The following LGI1 variants were observed in gnomAD, a reference collection of about 807,000 sequenced individuals.
The protein encoded by LGI1 is leucine rich glioma inactivated 1.
Under a neutral mutation model 57.7 loss-of-function variants are expected in LGI1, and 11 were observed. That is an observed-to-expected ratio of 0.19 (90% confidence interval 0.12 to 0.32). The LOEUF (loss-of-function observed/expected upper bound fraction) is 0.32. Ranked by LOEUF, LGI1 falls within the 10% of genes least tolerant of loss-of-function variation. The pLI, the probability that LGI1 is intolerant of heterozygous loss-of-function variation, is 1.00. For synonymous variants in LGI1, 222 were observed against 241.9 expected (o/e 0.92, Z 0.76); for missense variants, 422 against 661.9 (o/e 0.64, Z 3.98).
chr10:93,761,918 T>C (rs1194329934), intron 2 of LGI1, among the ~76,000 whole-genome samples: 1 of 152,262 alleles, frequency 6.6e-6, no homozygotes, highest in Non-Finnish European at 1.5e-5. Flanking sequence ...GTGGTACTTT[T>C]AGTGAATGCA....
intron 4 of LGI1, among the ~76,000 whole-genome samples, chr10:93,781,658 T>C (rs1387890379): frequency 1.3e-5 from 2 of 152,240 alleles, no homozygotes; most frequent in East Asian, 3.8e-4. Context: ...TGAATATATG[T>C]TATTTTGGTA....
At chr10:93,767,756 T>C (rs774880905) in intron 2 of LGI1, 2 of 152,146 alleles carry the variant, frequency 1.3e-5, no homozygotes, top group Non-Finnish European at 2.9e-5. Context: ...GGTCAAGCAA[T>C]TTAGCACACA....
chr10:93,764,787 A>G (rs1276517002), intron 2 of LGI1: 1 of 152,222 alleles, frequency 6.6e-6, no homozygotes, highest in African/African-American at 2.4e-5. Context: ...CTCAATACAC[A>G]TTAGCTTTAT....
intron 4 of LGI1, among the ~76,000 whole-genome samples, chr10:93,788,006 T>G (rs533971850): frequency 6.6e-6 from 1 of 152,252 alleles, no homozygotes; most frequent in South Asian, 2.1e-4. Context: ...AGGATTTGAC[T>G]GCTTAATCAT....
chr10:93,777,631 T>C lies in LGI1; in HGVS notation c.431+14T>C. The C allele has an allele frequency of 1.3e-6, 2 of 1,597,482 alleles. No homozygotes were observed. The highest frequency in any genetic ancestry group is 1.7e-6 in the Non-Finnish European group (2 of 1,165,430). ...ATTAATTCACTTGTAAGTATGAATG[T>C]TGCTATTACTTTTTAAGCTTGCTAA... On this transcript the variant is annotated intron_variant, in intron 4 of 7. Coordinates refer to ENST00000371418, the MANE Select transcript of LGI1 (RefSeq NM_005097.4).
At chr10:93,766,348 C>G (rs1425347794) in intron 2 of LGI1, among the ~76,000 whole-genome samples, 1 of 152,098 alleles carries the variant, frequency 6.6e-6, no homozygotes, top group Non-Finnish European at 1.5e-5. Flanking sequence ...CACAGAGGGC[C>G]ATAGATTTTG....
In LGI1 at chr10:93,797,350, T is replaced by C; in HGVS notation, c.1221T>C (p.Arg407=). 1 of 1,614,212 alleles carries C rather than the reference T, an allele frequency of 6.2e-7. No individual in the cohort carries two copies. Among genetic ancestry groups the C allele is most frequent in the Non-Finnish European group, 8.5e-7 (1 of 1,180,038 alleles). ...PHLILSSSSQ[R]PVIYQWNKAT... The stretch of plus-strand genomic sequence containing the variant: ...TAATTCTGTCTAGTAGTTCCCAGCG[T>C]CCTGTAATTTATCAGTGGAACAAAG... The change falls in exon 8 of 8, where the codon CGT becomes CGC. Residue 407 remains arginine (R), a synonymous_variant. Transcript: ENST00000371418. This position sits in a 1 kb window ranked among gnomAD's most constrained non-coding sequence, Gnocchi z 6.5.
chr10:93,784,828 C>T (rs2059882339), intron 4 of LGI1, among the ~76,000 whole-genome samples: 1 of 152,130 alleles, frequency 6.6e-6, no homozygotes, highest in Non-Finnish European at 1.5e-5. Flanking sequence ...GTGACACTCT[C>T]TCTAGTCATG....
In LGI1 at chr10:93,797,281, T is replaced by C; in HGVS notation, c.1152T>C (p.Tyr384=). 2 of 1,614,166 alleles carry C rather than the reference T, an allele frequency of 1.2e-6. No individual in the cohort carries two copies. The highest frequency in any genetic ancestry group is 1.7e-5 in the Admixed American group (1 of 60,020). The change falls in exon 8 of 8, where the codon TAT becomes TAC. Residue 384 remains tyrosine (Y), a synonymous_variant. Transcript: ENST00000371418. This position sits in a 1 kb window ranked among gnomAD's most constrained non-coding sequence, Gnocchi z 6.5. ...HAWYRDTDVE[Y]LEIVRTPQTL... ...GGTACAGGGACACTGATGTGGAATATCTAGAAATAGTCAGAACACCTCAGA... is the reference window on the plus strand; with the variant it reads ...GGTACAGGGACACTGATGTGGAATACCTAGAAATAGTCAGAACACCTCAGA...
At chr10:93,794,361 TC>T (rs2059962012) in intron 7 of LGI1, among the ~76,000 whole-genome samples, 1 of 86,632 alleles carries the variant, frequency 1.2e-5, no homozygotes, top group Admixed American at 1.8e-4. Context: ...TCTGGATCTC[TC>T]TTTTTTTTTT....
chr10:93,777,719 T>A, intron 4 of LGI1, 102 bp downstream of exon 4: 1 of 890,320 alleles, frequency 1.1e-6, no homozygotes, highest in Non-Finnish European at 1.8e-6. Context: ...CATAAAAATT[T>A]AAGAAACCCA....
At position 93,757,954 on chromosome 10, in the gene LGI1, C is replaced by T. The variant is rs1228055900; in HGVS notation, c.-191C>T. 3.1e-6 allele frequency: 2 copies of T among 639,930 alleles called. No individual in the cohort carries two copies. The highest frequency in any genetic ancestry group is 2.4e-5 in the Admixed American group (1 of 42,132). 39.6% of individuals were successfully genotyped at this position (639,930 alleles called of 1,614,324 possible). On this transcript the variant is annotated 5_prime_UTR_variant, in exon 1 of 8. Transcript: ENST00000371418. ...CCATCTCACAGTACCTCACAGGTCT[C>T]TTCCCCCGAGCAGTGCATTGCTGGA...
At chr10:93,778,783 G>C (rs2059819780) in intron 4 of LGI1, 1 of 152,124 alleles carries the variant, frequency 6.6e-6, no homozygotes, top group African/African-American at 2.4e-5. Context: ...TTCATTCCCA[G>C]CTCTGCTCTA....
At chr10:93,790,285 T>A in intron 5 of LGI1, 115 bp downstream of exon 5, 3 of 994,718 alleles carry the variant, frequency 3.0e-6, no homozygotes, top group Admixed American at 5.6e-5. Context: ...TTAGGATTTT[T>A]AAATCTAAAT....
chr10:93,794,313 G>A (rs568747400), intron 7 of LGI1, among the ~76,000 whole-genome samples: 8 of 150,458 alleles, frequency 5.3e-5, no homozygotes, highest in East Asian at 3.9e-4. Context: ...CACCGCACCC[G>A]GCCGGAATCT....
chr10:93,784,608 G>A (rs970301167), intron 4 of LGI1, among the ~76,000 whole-genome samples: 4 of 152,220 alleles, frequency 2.6e-5, no homozygotes, highest in Non-Finnish European at 4.4e-5. Context: ...ACCAAAACAT[G>A]TAGAAAGTCT....
intron 5 of LGI1, chr10:93,792,055 A>C (rs2059941570): frequency 6.6e-6 from 1 of 152,660 alleles, no homozygotes; most frequent in Non-Finnish European, 1.5e-5. Flanking sequence ...TGAGAGACTG[A>C]ATTTTAAATT....
At position 93,758,151 on chromosome 10, in the gene LGI1, T is replaced by C; in HGVS notation, c.7T>C (p.Ser3Pro). The C allele has an allele frequency of 6.2e-7, 1 of 1,614,090 alleles. No individual in the cohort carries two copies. Among genetic ancestry groups the C allele is most frequent in the Non-Finnish European group, 8.5e-7 (1 of 1,179,982 alleles). Residue 3 changes from serine to proline, a missense_variant, in exon 1 of 8, where the codon TCA becomes CCA. Coordinates refer to ENST00000371418, the MANE Select transcript of LGI1 (RefSeq NM_005097.4). The surrounding 1 kb of genome is among the most constrained non-coding windows in gnomAD (Gnocchi z 4.7). ...GGGATATTTTCTCGACTGCATGGAA[T>C]CAGAAAGAAGCAAAAGGATGGGAAA... ME[S>P]ERSKRMGNAC...
At chr10:93,789,746 C>T (rs2059920402) in intron 4 of LGI1, 3 of 221,128 alleles carry the variant, frequency 1.4e-5, no homozygotes, top group South Asian at 1.7e-4. Context: ...TGGTGGCGGG[C>T]ACATGTAATC....
Sources: allele counts gnomAD v4.1 joint callset (sites outside exome capture counted in the v4.1 genomes callset), GRCh38; gene constraint gnomAD v4.1.1; non-coding constraint Gnocchi (gnomAD v3.1); transcripts MANE v1.5; gene names NCBI Gene and HGNC (gene_info 2026-07-23, HGNC 2026-07-21).